Variants in PCDHGA4 observed in about 807,000 individuals in gnomAD.
The protein encoded by PCDHGA4 is protocadherin gamma subfamily A, 4, also known as protocadherin gamma-A4.
Under a neutral mutation model 54.6 loss-of-function variants are expected in PCDHGA4, and 38 were observed. That is an observed-to-expected ratio of 0.70 (90% CI 0.54 to 0.91). The LOEUF (loss-of-function observed/expected upper bound fraction) is 0.91, where lower values mean the gene tolerates loss of function less well. Among genes scored for constraint, PCDHGA4 ranks in the 40% least tolerant of loss-of-function variants. The pLI is 0.00. For synonymous variants in PCDHGA4, 511 were observed against 512.9 expected (o/e 1.00, Z 0.05); for missense variants, 1,298 against 1,220.9 (o/e 1.06, Z -0.94).
intron 1 of PCDHGA4, among the ~76,000 whole-genome samples, chr5:141,435,308 A>G (rs2097757210): frequency 6.6e-6 from 1 of 152,186 alleles, no homozygotes; most frequent in African/African-American, 2.4e-5. Flanking sequence ...GTTTTAAATC[A>G]TTCATGAACT....
In PCDHGA4 at chr5:141,485,053, G is replaced by A. The variant is rs555996081; in HGVS notation, c.2515-9754G>A. On this transcript the variant is annotated intron_variant, in intron 1 of 3. Coordinates refer to ENST00000571252, the MANE Select transcript of PCDHGA4 (RefSeq NM_018917.4). The surrounding 1 kb of genome is among the most constrained non-coding windows in gnomAD (Gnocchi z 5.7). ...GCGCGTAACCCTTGCGGCGCCGGCC[G>A]AACCGCGCCAGAGCTGGCGCGGGGA... 6.9e-5 allele frequency: 57 copies of A among 820,742 alleles called. 2 individuals carry two copies. In the South Asian group the frequency reaches 9.3e-4, roughly 13 times the overall value. 50.8% of individuals were successfully genotyped at this position (820,742 alleles called of 1,614,324 possible).
At position 141,485,299 on chromosome 5, in the gene PCDHGA4, G is replaced by A; in HGVS notation, c.2515-9508G>A. On this transcript the variant is annotated intron_variant, in intron 1 of 3. Coordinates refer to ENST00000571252, the MANE Select transcript of PCDHGA4 (RefSeq NM_018917.4). The surrounding 1 kb of genome is among the most constrained non-coding windows in gnomAD (Gnocchi z 5.7). ...CGGTCCCAGAGGAGTCACAGGAAGG[G>A]ACTTTTGTAGGGAATGTCGCTCAAG... 1 of 1,614,180 alleles carries A rather than the reference G, an allele frequency of 6.2e-7. No individual in the cohort carries two copies. Among genetic ancestry groups the A allele is most frequent in the Non-Finnish European group, 8.5e-7 (1 of 1,180,012 alleles).
intron 1 of PCDHGA4, chr5:141,426,568 C>T: frequency 5.6e-6 from 2 of 354,402 alleles, no homozygotes; most frequent in Non-Finnish European, 5.6e-6. Flanking sequence ...TCGAGAGTCA[C>T]TGTCTTCAAA....
chr5:141,463,572 C>A (rs1462125489), intron 1 of PCDHGA4, among the ~76,000 whole-genome samples: 2 of 151,572 alleles, frequency 1.3e-5, no homozygotes, highest in African/African-American at 4.9e-5. Context: ...CCTCAGCCTC[C>A]CGAGTAGCTG....
rs898536568 is a variant in PCDHGA4 at position 141,478,080 on chromosome 5, C to T, written c.2515-16727C>T. The T allele has an allele frequency of 1.9e-6, 3 of 1,614,012 alleles. No homozygotes were observed. The Admixed American group carries it at 5.0e-5, about 27-fold the overall frequency. The stretch of plus-strand genomic sequence containing the variant: ...TTGATCAAAGACAATGGGGAGCCTT[C>T]GCTCTCCACCACTGCTACCCTCACT... On this transcript the variant is annotated intron_variant, in intron 1 of 3. Coordinates refer to ENST00000571252, the MANE Select transcript of PCDHGA4 (RefSeq NM_018917.4).
chr5:141,399,259 G>A, intron 1 of PCDHGA4: 1 of 1,613,874 alleles, frequency 6.2e-7, no homozygotes, highest in Non-Finnish European at 8.5e-7. Context: ...AAATGGGGAG[G>A]TTAATTGTCA....
intron 1 of PCDHGA4, chr5:141,423,804 T>A: frequency 8.1e-7 from 1 of 1,240,508 alleles, no homozygotes; most frequent in Non-Finnish European, 1.0e-6. Context: ...GAGCAATACA[T>A]GTGAGTTTTA....
At chr5:141,414,476 C>T (rs1242647918) in intron 1 of PCDHGA4, 1 of 1,613,802 alleles carries the variant, frequency 6.2e-7, no homozygotes, top group African/African-American at 1.3e-5. Flanking sequence ...GGGGGAAGTC[C>T]TCCTCTATCA....
chr5:141,413,599 C>G, intron 1 of PCDHGA4: 2 of 1,613,830 alleles, frequency 1.2e-6, no homozygotes, highest in East Asian at 2.2e-5. Flanking sequence ...AGCAGAAAAT[C>G]TAGACGTAAA....
intron 1 of PCDHGA4, chr5:141,372,071 A>G: frequency 6.2e-7 from 1 of 1,613,608 alleles, no homozygotes; most frequent in Non-Finnish European, 8.5e-7. Flanking sequence ...ACGACAATGC[A>G]CCGCTGGTGC....
rs563283218 is a variant in PCDHGA4, at chr5:141,431,573, G to A, written c.2515-63234G>A. On this transcript the variant is annotated intron_variant, in intron 1 of 3. Coordinates refer to ENST00000571252, the MANE Select transcript of PCDHGA4 (RefSeq NM_018917.4). This position sits in a 1 kb window ranked among gnomAD's most constrained non-coding sequence, Gnocchi z 4.8. ...AGTCAACGCTACCGACCCTGACGAA[G>A]GAGTCAATGCGGAAGTGAGGTATTC... 5.6e-6 allele frequency: 9 copies of A among 1,614,186 alleles called. No homozygotes were observed. The South Asian group carries it at 8.8e-5, about 16-fold the overall frequency.
rs1011504923 is a variant in PCDHGA4, at chr5:141,408,109, C to A, written c.2514+50488C>A. ...GGATTGCCAGCTCCGAGACCCGGGA[C>A]TCCTCCTGTCCTGGGCCGAATGCTC... is the stretch of plus-strand genomic sequence containing the variant. On this transcript the variant is annotated intron_variant, in intron 1 of 3. Transcript: ENST00000571252. 6 of 1,445,662 alleles carry A rather than the reference C, an allele frequency of 4.2e-6. No homozygotes were observed. In the African/African-American group the frequency reaches 5.7e-5, roughly 14 times the overall value. 89.6% of individuals were successfully genotyped at this position (1,445,662 alleles called of 1,614,324 possible). A position where few individuals can be genotyped will look rare whatever the true frequency, so the allele number is the denominator to read the frequency against.
chr5:141,485,344 C>G lies in PCDHGA4; in HGVS notation c.2515-9463C>G. On this transcript the variant is annotated intron_variant, in intron 1 of 3. Coordinates refer to ENST00000571252, the MANE Select transcript of PCDHGA4 (RefSeq NM_018917.4). This position sits in a 1 kb window ranked among gnomAD's most constrained non-coding sequence, Gnocchi z 5.7. ...CTCAAGATTTCCTGCTGGATACGGA[C>G]AGTCTGTCAGCTCGCAGGCTGCAGG... 6.2e-7 allele frequency: 1 copy of G among 1,614,116 alleles called. No individual in the cohort carries two copies. The highest frequency in any genetic ancestry group is 8.5e-7 in the Non-Finnish European group (1 of 1,180,004).
chr5:141,355,590 A>C lies in PCDHGA4; in HGVS notation c.483A>C (p.Pro161=). Residue 161 remains proline (P), a synonymous_variant, in exon 1 of 4, where the codon CCA becomes CCC. Coordinates refer to ENST00000571252, the MANE Select transcript of PCDHGA4 (RefSeq NM_018917.4). ...AAATAATCGATGTTAATGATAACCC[A>C]CCCAGTTTTGGGACAGAACAGAGGG... ...EVEIIDVNDN[P]PSFGTEQREI... 1.2e-6 allele frequency: 2 copies of C among 1,613,952 alleles called. No individual in the cohort carries two copies. The highest frequency in any genetic ancestry group is 1.7e-6 in the Non-Finnish European group (2 of 1,179,860).
rs534356534 is a variant in PCDHGA4 at position 141,432,344 on chromosome 5, C to G, written c.2515-62463C>G. ...CGACTACGAGCAGTTCCGAGACTTG[C>G]AAGTGAAAGTGATGGCGCGGGACAA... is the stretch of plus-strand genomic sequence containing the variant. On this transcript the variant is annotated intron_variant, in intron 1 of 3. Coordinates refer to ENST00000571252, the MANE Select transcript of PCDHGA4 (RefSeq NM_018917.4). This position sits in a 1 kb window ranked among gnomAD's most constrained non-coding sequence, Gnocchi z 6.0. 1.9e-5 allele frequency: 30 copies of G among 1,614,238 alleles called. No individual in the cohort carries two copies. In the East Asian group the frequency reaches 2.5e-4, roughly 13 times the overall value.
At chr5:141,362,372 G>T (rs1762464111) in intron 1 of PCDHGA4, 1 of 1,614,054 alleles carries the variant, frequency 6.2e-7, no homozygotes, top group Non-Finnish European at 8.5e-7. Flanking sequence ...TACAGTGAGG[G>T]TACATTGCCC....
chr5:141,368,410 C>T (rs1471418854), intron 1 of PCDHGA4, among the ~76,000 whole-genome samples: 1 of 152,086 alleles, frequency 6.6e-6, no homozygotes, highest in African/African-American at 2.4e-5. Context: ...CATACATACA[C>T]ACATGGACAT....
rs561219923 is a variant in PCDHGA4, at chr5:141,357,076, G to T, written c.1969G>T (p.Val657Leu). 18 of 1,613,958 alleles carry T rather than the reference G, an allele frequency of 1.1e-5. No homozygotes were observed. In the East Asian group the frequency reaches 3.6e-4, roughly 32 times the overall value. The change falls in exon 1 of 4, where the codon GTG becomes TTG. Residue 657 changes from valine (V) to leucine (L), a missense_variant. Physicochemically the swap from Val to Leu is conservative, Grantham distance 32. Transcript: ENST00000571252. ...LFAVGLHTGE[V>L]RTARALLDRD... ...TGCAGTGGGGCTGCACACAGGCGAGGTGCGCACCGCACGGGCCCTGCTGGA... is the reference window on the plus strand; with the variant it reads ...TGCAGTGGGGCTGCACACAGGCGAGTTGCGCACCGCACGGGCCCTGCTGGA...
intron 1 of PCDHGA4, chr5:141,430,875 T>C: frequency 6.3e-7 from 1 of 1,599,398 alleles, no homozygotes; most frequent in Non-Finnish European, 8.5e-7. Context: ...CCGGAAGAGC[T>C]GGAGAAAGGC....
Sources: allele counts gnomAD v4.1 joint callset (sites outside exome capture counted in the v4.1 genomes callset), GRCh38; gene constraint gnomAD v4.1.1; non-coding constraint Gnocchi (gnomAD v3.1); transcripts MANE v1.5; gene names NCBI Gene and HGNC (gene_info 2026-07-23, HGNC 2026-07-21).